TSPEAR: variants seen among roughly 807,000 people sequenced by gnomAD.
TSPEAR encodes the protein thrombospondin type laminin G domain and EAR repeats, also known as thrombospondin-type laminin G domain and EAR repeat-containing protein.
In TSPEAR, 69 loss-of-function variants were observed where a neutral mutation model predicts 71.6. The ratio of observed to expected loss-of-function variants is 0.96; its 90% CI spans 0.79 to 1.18. The LOEUF (loss-of-function observed/expected upper bound fraction) is 1.18, where lower values mean the gene tolerates loss of function less well. Among genes scored for constraint, TSPEAR ranks in the 50% most tolerant of loss-of-function variants. The probability of loss-of-function intolerance (pLI) is 0.00; values close to 1 mark genes in which losing one functional copy is unlikely to be tolerated. For missense variants in TSPEAR, 971 were observed against 894.9 expected (o/e 1.09, Z -1.09); for synonymous variants, 402 against 387.2 (o/e 1.04, Z -0.45).
intron 8 of TSPEAR, among the ~76,000 whole-genome samples, chr21:44,523,867 G>A (rs938640057): frequency 6.6e-6 from 1 of 151,780 alleles, no homozygotes; most frequent in Non-Finnish European, 1.5e-5. Flanking sequence ...TGGCTAGTCA[G>A]GTAGTTGGTC....
At position 44,513,003 on chromosome 21, in the gene TSPEAR, C is replaced by T. The variant is rs184074268; in HGVS notation, c.1567-3617G>A. Among the ~76,000 whole-genome samples, 53 of 152,342 alleles carry T rather than the reference C, an allele frequency of 3.5e-4. No homozygotes were observed. In the Middle Eastern group the frequency reaches 0.01, roughly 29 times the overall value. ...ACCAGATTTAGCAAATCCAGGGTCC[C>T]TGTTCAATCTAAATTTCAGACAACG... On this transcript the variant is annotated intron_variant, in intron 9 of 11. Transcript: ENST00000323084.
At chr21:44,529,273 A>G (rs1354023139) in intron 5 of TSPEAR, among the ~76,000 whole-genome samples, 1 of 152,158 alleles carries the variant, frequency 6.6e-6, no homozygotes, top group East Asian at 1.9e-4. Flanking sequence ...TGTGGTTTAA[A>G]TAAATACAGT....
intron 1 of TSPEAR, among the ~76,000 whole-genome samples, chr21:44,620,014 G>C (rs1982343100): frequency 1.3e-5 from 2 of 152,228 alleles, no homozygotes; most frequent in Admixed American, 1.3e-4. Context: ...ATCTAACTCA[G>C]AGGGATTCAC....
At chr21:44,677,033 TAA>T (rs143486715) in intron 1 of TSPEAR, 32,236 of 855,834 alleles carry the variant, frequency 0.038, 786 homozygotes, top group Middle Eastern at 0.063. Flanking sequence ...AGCTGTCGTT[TAA>T]AGTCATCCTG....
chr21:44,645,408 G>A (rs1370379230), intron 1 of TSPEAR, among the ~76,000 whole-genome samples: 4 of 150,760 alleles, frequency 2.7e-5, no homozygotes, highest in Admixed American at 2.6e-4. Context: ...CTAGGCTGGG[G>A]TGCAATGGTG....
intron 1 of TSPEAR, chr21:44,676,840 A>G: frequency 1.0e-6 from 1 of 956,486 alleles, no homozygotes; most frequent in South Asian, 1.3e-5. Context: ...TTGTTTCTCC[A>G]AGGCTAATGT....
chr21:44,705,064 A>G (rs1456706850), intron 1 of TSPEAR, among the ~76,000 whole-genome samples: 1 of 152,234 alleles, frequency 6.6e-6, no homozygotes, highest in African/African-American at 2.4e-5. Context: ...ACCGGCTGAA[A>G]CCATGGCAGA....
At chr21:44,601,910 G>T in intron 1 of TSPEAR, 1 of 955,518 alleles carries the variant, frequency 1.0e-6, no homozygotes, top group Non-Finnish European at 1.5e-6. Flanking sequence ...GTTTCTCCAA[G>T]TCTTGACTTT....
At chr21:44,608,450 T>A (rs73907050) in intron 1 of TSPEAR, among the ~76,000 whole-genome samples, 1 of 152,200 alleles carries the variant, frequency 6.6e-6, no homozygotes, top group South Asian at 2.1e-4. Flanking sequence ...GGGACTTTTG[T>A]TTTTGTTTTC....
intron 9 of TSPEAR, chr21:44,509,751 G>C: frequency 3.5e-6 from 1 of 288,100 alleles, no homozygotes; most frequent in South Asian, 3.6e-5. Flanking sequence ...AGTGCCAGCT[G>C]TGCCCAGCCC....
chr21:44,627,262 T>G (rs1982870742), intron 1 of TSPEAR: 2 of 1,612,688 alleles, frequency 1.2e-6, no homozygotes, highest in Non-Finnish European at 1.7e-6. Context: ...TGAGCCCCCC[T>G]GCTGCGCCAC....
intron 1 of TSPEAR, among the ~76,000 whole-genome samples, chr21:44,606,774 A>G (rs1266028388): frequency 6.6e-6 from 1 of 152,228 alleles, no homozygotes; most frequent in Non-Finnish European, 1.5e-5. Flanking sequence ...CAGGCACAGA[A>G]AGACAAATGG....
chr21:44,587,401 A>G (rs1225603949), intron 1 of TSPEAR, among the ~76,000 whole-genome samples: 2 of 152,228 alleles, frequency 1.3e-5, no homozygotes, highest in East Asian at 1.9e-4. Flanking sequence ...ACACAAACAA[A>G]TGGAAACACA....
chr21:44,614,750 C>G lies in TSPEAR; in HGVS notation c.83-46745G>C, dbSNP rs183833995. 5.8e-4 allele frequency among the ~76,000 whole-genome samples: 89 copies of G among 152,356 alleles called. 1 individual carries two copies. Among genetic ancestry groups the G allele is most frequent in the Middle Eastern group, 3.4e-3 (1 of 294 alleles). ...ACTCCATAAGCAGACAGTAACCTCTCTATGCCACAAGACGACAGCAGAAAA... is the reference window on the plus strand; with the variant it reads ...ACTCCATAAGCAGACAGTAACCTCTGTATGCCACAAGACGACAGCAGAAAA... On this transcript the variant is annotated intron_variant, in intron 1 of 11. Coordinates refer to ENST00000323084, the MANE Select transcript of TSPEAR (RefSeq NM_144991.3).
chr21:44,704,556 C>A (rs1987817261), intron 1 of TSPEAR, among the ~76,000 whole-genome samples: 1 of 152,236 alleles, frequency 6.6e-6, no homozygotes, highest in South Asian at 2.1e-4. Context: ...AAGGGGAACA[C>A]CTGGATGGAG....
chr21:44,677,011 G>A lies in TSPEAR; in HGVS notation c.82+34422C>T, dbSNP rs934313923. The A allele has an allele frequency of 4.5e-6, 4 of 886,072 alleles. No individual in the cohort carries two copies. In the African/African-American group the frequency reaches 4.9e-5, roughly 11 times the overall value. The allele number at this position is 886,072 out of a possible 1,614,324, so 54.9% of individuals were successfully genotyped here. A position where few individuals can be genotyped will look rare whatever the true frequency, so the allele number is the denominator to read the frequency against. On this transcript the variant is annotated intron_variant, in intron 1 of 11. Coordinates refer to ENST00000323084, the MANE Select transcript of TSPEAR (RefSeq NM_144991.3). ...TTTCCACCCAGGAAGGACTTCTGGA[G>A]TAATACTGTCCAGCTGTCGTTTAAA...
chr21:44,575,037 C>T lies in TSPEAR; in HGVS notation c.83-7032G>A, dbSNP rs995929632. ...GAAGCCCAGCTGCTGATGGACACGCCCCCCAGTGCCAGCCAGGCTCAGGTC... is the reference window on the plus strand; with the variant it reads ...GAAGCCCAGCTGCTGATGGACACGCTCCCCAGTGCCAGCCAGGCTCAGGTC... On this transcript the variant is annotated intron_variant, in intron 1 of 11. Transcript: ENST00000323084. The T allele has an allele frequency of 5.1e-6, 8 of 1,578,172 alleles. No homozygotes were observed. In the African/African-American group the frequency reaches 1.1e-4, roughly 21 times the overall value.
intron 8 of TSPEAR, among the ~76,000 whole-genome samples, chr21:44,524,586 GTC>G (rs2052808543): frequency 6.6e-6 from 1 of 152,208 alleles, no homozygotes; most frequent in African/African-American, 2.4e-5. Flanking sequence ...CAATCAGTTA[GTC>G]AGGTAGTTAG....
intron 1 of TSPEAR, among the ~76,000 whole-genome samples, chr21:44,640,497 G>C (rs1007402647): frequency 5.9e-5 from 9 of 152,226 alleles, no homozygotes; most frequent in Non-Finnish European, 1.5e-5. Context: ...TTAAAAACCA[G>C]TGGATTGTGC....
Sources: gnomAD v4.1 joint callset for allele counts (sites outside exome capture counted in the v4.1 genomes callset) on GRCh38, gnomAD v4.1.1 for gene constraint, MANE v1.5 for transcripts, NCBI Gene and HGNC (gene_info 2026-07-23, HGNC 2026-07-21) for gene names.